Variants in NKAIN2 observed in about 807,000 individuals in gnomAD.
The protein encoded by NKAIN2 is sodium/potassium-transporting ATPase subunit beta-1-interacting protein 2.
Under a neutral mutation model 32.6 loss-of-function variants are expected in NKAIN2, and 14 were observed. The ratio of observed to expected loss-of-function variants is 0.43; its 90% CI spans 0.28 to 0.67. NKAIN2 has a LOEUF of 0.67. Ranked by LOEUF, NKAIN2 falls within the 30% of genes least tolerant of loss-of-function variation. The pLI is 0.17. For missense variants in NKAIN2, 198 were observed against 258.3 expected (o/e 0.77, Z 1.60); for synonymous variants, 80 against 87.2 (o/e 0.92, Z 0.46).
chr6:124,521,884 C>T (rs1420095949), intron 3 of NKAIN2, among the ~76,000 whole-genome samples: 1 of 152,080 alleles, frequency 6.6e-6, no homozygotes, highest in Non-Finnish European at 1.5e-5. Flanking sequence ...CTGTTTATGT[C>T]TCGGTGCATG....
At chr6:124,340,917 A>T (rs1041965398) in intron 2 of NKAIN2, among the ~76,000 whole-genome samples, 3 of 152,146 alleles carry the variant, frequency 2.0e-5, no homozygotes, top group Non-Finnish European at 2.9e-5. Context: ...TTCATGCTGA[A>T]TGAGTATTAT....
chr6:124,178,873 C>CT (rs1175614182), intron 1 of NKAIN2, among the ~76,000 whole-genome samples: 7 of 152,160 alleles, frequency 4.6e-5, no homozygotes, highest in African/African-American at 1.4e-4. Context: ...AGAATAGAAA[C>CT]AGTGAATTCA....
Position 124,566,842 on chromosome 6 carries a change from T to G in NKAIN2, c.274-91344T>G, listed in dbSNP as rs149802917. On this transcript the variant is annotated intron_variant, in intron 3 of 6. Coordinates refer to ENST00000368417, the MANE Select transcript of NKAIN2 (RefSeq NM_001040214.3). ...AAGATCTTCCAAGAAATGTGTATAC[T>G]GTAACATTCAGAAAGAAAGAAATCA... Among the ~76,000 whole-genome samples, 900 of 152,210 alleles carry G rather than the reference T, an allele frequency of 5.9e-3. 10 individuals carry two copies. The highest frequency in any genetic ancestry group is 0.02 in the African/African-American group (851 of 41,538).
At chr6:124,040,417 T>C (rs1781817783) in intron 1 of NKAIN2, among the ~76,000 whole-genome samples, 1 of 152,004 alleles carries the variant, frequency 6.6e-6, no homozygotes, top group South Asian at 2.1e-4. Context: ...TGTCTGAAGC[T>C]ATAAATTTTC....
At chr6:124,015,999 ATT>A (rs1373306453) in intron 1 of NKAIN2, among the ~76,000 whole-genome samples, 1 of 152,176 alleles carries the variant, frequency 6.6e-6, no homozygotes, top group Non-Finnish European at 1.5e-5. Flanking sequence ...TCAGGAATCA[ATT>A]TATAGAACAA....
chr6:124,651,831 A>G (rs1784379172), intron 3 of NKAIN2, among the ~76,000 whole-genome samples: 2 of 152,128 alleles, frequency 1.3e-5, no homozygotes, highest in African/African-American at 2.4e-5. Flanking sequence ...ATCATTTTCC[A>G]TTATCTTGAT....
chr6:124,298,285 T>A (rs1311440775), intron 2 of NKAIN2, among the ~76,000 whole-genome samples: 1 of 152,216 alleles, frequency 6.6e-6, no homozygotes, highest in African/African-American at 2.4e-5. Context: ...TAACCATGTT[T>A]TGTGTAGCAA....
At chr6:124,661,926 A>G (rs1369031763) in intron 4 of NKAIN2, among the ~76,000 whole-genome samples, 1 of 152,226 alleles carries the variant, frequency 6.6e-6, no homozygotes, top group Non-Finnish European at 1.5e-5. Flanking sequence ...AGCATGGATT[A>G]TAAAATATGT....
At chr6:124,687,751 C>T (rs1229353236) in intron 4 of NKAIN2, among the ~76,000 whole-genome samples, 11 of 138,286 alleles carry the variant, frequency 8.0e-5, no homozygotes, top group South Asian at 2.2e-4. Flanking sequence ...TATACACACA[C>T]ACACACACAC....
chr6:124,237,889 A>T (rs558183789), intron 1 of NKAIN2, among the ~76,000 whole-genome samples: 138 of 152,252 alleles, frequency 9.1e-4, no homozygotes, highest in African/African-American at 3.2e-3. Flanking sequence ...GAGGAGAAAG[A>T]TGATAGAAAG....
rs186826082 is a variant in NKAIN2 at position 123,831,386 on chromosome 6, T to C, written c.54+27132T>C. ...ATAGCCATGATTCTCAAAAGTATCCTTGGCAATAGGATTTATTTTTAATTT... is the reference window on the plus strand; with the variant it reads ...ATAGCCATGATTCTCAAAAGTATCCCTGGCAATAGGATTTATTTTTAATTT... On this transcript the variant is annotated intron_variant, in intron 1 of 6. Coordinates refer to ENST00000368417, the MANE Select transcript of NKAIN2 (RefSeq NM_001040214.3). 2.4e-3 allele frequency among the ~76,000 whole-genome samples: 366 copies of C among 151,774 alleles called. 2 individuals carry two copies. Among genetic ancestry groups the C allele is most frequent in the African/African-American group, 8.4e-3 (348 of 41,504 alleles).
At position 124,210,982 on chromosome 6, in the gene NKAIN2, A is replaced by G. The variant is rs192791750; in HGVS notation, c.55-72023A>G. 8.9e-4 allele frequency among the ~76,000 whole-genome samples: 134 copies of G among 150,590 alleles called. 2 individuals are homozygous for G. Among genetic ancestry groups the G allele is most frequent in the Non-Finnish European group, 7.1e-4 (48 of 67,850 alleles). On this transcript the variant is annotated intron_variant, in intron 1 of 6. Coordinates refer to ENST00000368417, the MANE Select transcript of NKAIN2 (RefSeq NM_001040214.3). ...GCAAGGATATCCAGTACTATGTCAA[A>G]TAAGTGTTGAAAGTGGGCATTCTTG... is the stretch of plus-strand genomic sequence containing the variant.
chr6:124,565,952 G>A (rs977243369), intron 3 of NKAIN2, among the ~76,000 whole-genome samples: 6 of 152,110 alleles, frequency 3.9e-5, no homozygotes, highest in African/African-American at 9.7e-5. Context: ...AATACTAAAC[G>A]TAGATTTGCT....
chr6:124,622,465 A>G (rs937146957), intron 3 of NKAIN2, among the ~76,000 whole-genome samples: 1 of 152,152 alleles, frequency 6.6e-6, no homozygotes. Context: ...CTGCAGCCCC[A>G]GTGTTACAAT....
intron 3 of NKAIN2, among the ~76,000 whole-genome samples, chr6:124,529,144 T>C (rs1189106615): frequency 2.6e-5 from 4 of 152,228 alleles, no homozygotes; most frequent in Non-Finnish European, 5.9e-5. Context: ...TGTCTTTTAC[T>C]AACATTAGTT....
At chr6:124,479,311 A>G (rs1348647356) in intron 3 of NKAIN2, among the ~76,000 whole-genome samples, 1 of 152,204 alleles carries the variant, frequency 6.6e-6, no homozygotes, top group African/African-American at 2.4e-5. Flanking sequence ...GAAACATACC[A>G]TACCAATGTG....
intron 1 of NKAIN2, among the ~76,000 whole-genome samples, chr6:124,264,392 AGT>A (rs1325683927): frequency 6.6e-6 from 1 of 152,174 alleles, no homozygotes; most frequent in African/African-American, 2.4e-5. Flanking sequence ...AATAAGCCAT[AGT>A]TGGCAAATAT....
chr6:124,413,277 A>G (rs1774300278), intron 3 of NKAIN2, among the ~76,000 whole-genome samples: 1 of 152,080 alleles, frequency 6.6e-6, no homozygotes, highest in Non-Finnish European at 1.5e-5. Flanking sequence ...TTTTTGTTTA[A>G]GAATTGACGT....
intron 3 of NKAIN2, among the ~76,000 whole-genome samples, chr6:124,392,356 T>C (rs1245720868): frequency 7.2e-5 from 11 of 152,170 alleles, no homozygotes; most frequent in African/African-American, 2.7e-4. Context: ...AATTAACAAA[T>C]AAATGTCCTT....
Sources: gnomAD v4.1 joint callset for allele counts (sites outside exome capture counted in the v4.1 genomes callset) on GRCh38, gnomAD v4.1.1 for gene constraint, MANE v1.5 for transcripts, NCBI Gene and HGNC (gene_info 2026-07-23, HGNC 2026-07-21) for gene names.